The following NKAIN3 variants were observed in gnomAD, a reference collection of about 807,000 sequenced individuals.
NKAIN3 encodes the protein sodium/potassium transporting ATPase interacting 3.
In NKAIN3, 25 loss-of-function variants were observed where a neutral mutation model predicts 30.2. That is an observed-to-expected ratio of 0.83 (90% CI 0.60 to 1.16). NKAIN3 has a LOEUF of 1.16. Ranked by LOEUF, NKAIN3 falls within the 50% of genes most tolerant of loss-of-function variation. The pLI is 0.00. For synonymous variants in NKAIN3, 91 were observed against 89.6 expected (o/e 1.02, Z -0.09); for missense variants, 225 against 254.1 (o/e 0.89, Z 0.78).
chr8:62,307,357 C>G (rs1301380020), intron 1 of NKAIN3, among the ~76,000 whole-genome samples: 2 of 149,212 alleles, frequency 1.3e-5, no homozygotes, highest in Non-Finnish European at 2.9e-5. Context: ...CTTCTTTCCT[C>G]TCTCCCTCCT....
intron 1 of NKAIN3, among the ~76,000 whole-genome samples, chr8:62,531,345 C>A (rs1329667698): frequency 1.3e-5 from 2 of 152,128 alleles, no homozygotes; most frequent in Admixed American, 1.3e-4. Flanking sequence ...AAATCTTTAC[C>A]TAACATGTCT....
At chr8:62,932,416 A>T (rs1205143142) in intron 5 of NKAIN3, among the ~76,000 whole-genome samples, 1 of 152,226 alleles carries the variant, frequency 6.6e-6, no homozygotes, top group Non-Finnish European at 1.5e-5. Flanking sequence ...ACGTAAGCAG[A>T]GGCTAACTGT....
chr8:62,506,231 G>C (rs1807632222), intron 1 of NKAIN3, among the ~76,000 whole-genome samples: 1 of 147,462 alleles, frequency 6.8e-6, no homozygotes, highest in Admixed American at 6.8e-5. Flanking sequence ...AGAATATTGG[G>C]GGGGGGGACA....
In NKAIN3 at chr8:62,271,867, T is replaced by C. The variant is rs149047766; in HGVS notation, c.54+22740T>C. On this transcript the variant is annotated intron_variant, in intron 1 of 6. Coordinates refer to ENST00000623646, the MANE Select transcript of NKAIN3 (RefSeq NM_001304533.3). ...CTTAGGGAAACTCCACAGAGATGTG[T>C]TATGAGCTGGAAGCCACTTGCCTCC... Among the ~76,000 whole-genome samples the C allele has an allele frequency of 2.6e-5, 4 of 152,248 alleles. No homozygotes were observed. The East Asian group carries it at 7.7e-4, about 29-fold the overall frequency.
chr8:62,306,910 G>T (rs150566000), intron 1 of NKAIN3, among the ~76,000 whole-genome samples: 1 of 149,750 alleles, frequency 6.7e-6, no homozygotes. Flanking sequence ...TGTCCATAGG[G>T]GAAAGCATAC....
chr8:62,996,941 C>T (rs1026290028), intron 5 of NKAIN3, among the ~76,000 whole-genome samples: 8 of 152,118 alleles, frequency 5.3e-5, no homozygotes, highest in Non-Finnish European at 1.2e-4. Flanking sequence ...GGAGTGCCTG[C>T]AGCTTTTCCA....
At chr8:62,554,551 C>T (rs1382409397) in intron 1 of NKAIN3, among the ~76,000 whole-genome samples, 1 of 152,096 alleles carries the variant, frequency 6.6e-6, no homozygotes, top group Non-Finnish European at 1.5e-5. Flanking sequence ...TTATTCTTTA[C>T]ATGGATTTGT....
At chr8:62,812,686 C>T (rs1202630545) in intron 4 of NKAIN3, among the ~76,000 whole-genome samples, 1 of 151,376 alleles carries the variant, frequency 6.6e-6, no homozygotes, top group East Asian at 1.9e-4. Flanking sequence ...TCTTCCTTTC[C>T]AATTGGTATG....
intron 1 of NKAIN3, among the ~76,000 whole-genome samples, chr8:62,468,841 C>T (rs773682395): frequency 6.6e-6 from 1 of 152,076 alleles, no homozygotes; most frequent in African/African-American, 2.4e-5. Flanking sequence ...TGTCATCCCC[C>T]GTCTTAATTC....
intron 1 of NKAIN3, among the ~76,000 whole-genome samples, chr8:62,259,797 G>A (rs1466000796): frequency 6.6e-6 from 1 of 152,154 alleles, no homozygotes; most frequent in African/African-American, 2.4e-5. Flanking sequence ...GTAGGTTGCT[G>A]TTCTGTTTGA....
At chr8:62,926,740 T>C (rs1294818094) in intron 5 of NKAIN3, among the ~76,000 whole-genome samples, 2 of 152,086 alleles carry the variant, frequency 1.3e-5, no homozygotes, top group Non-Finnish European at 2.9e-5. Context: ...CACAAAAAAA[T>C]AAAAGCAGTG....
rs1370091254 is a variant in NKAIN3 at position 62,645,158 on chromosome 8, G to T, written c.273+55364G>T. On this transcript the variant is annotated intron_variant, in intron 3 of 6. Transcript: ENST00000623646. ...CAAAGAGTGTAAGAATAGAGCTTGG[G>T]TGGCTGTTAACAGCGGACCACTCTT... Among the ~76,000 whole-genome samples, 3 of 152,198 alleles carry T rather than the reference G, an allele frequency of 2.0e-5. No homozygotes were observed. In the East Asian group the frequency reaches 5.8e-4, roughly 29 times the overall value.
At chr8:62,801,544 C>T (rs1175115736) in intron 4 of NKAIN3, among the ~76,000 whole-genome samples, 3 of 152,194 alleles carry the variant, frequency 2.0e-5, no homozygotes, top group Non-Finnish European at 2.9e-5. Flanking sequence ...TCCAACAGAC[C>T]TGCAGCTGAG....
intron 4 of NKAIN3, among the ~76,000 whole-genome samples, chr8:62,804,478 A>T (rs1431164984): frequency 1.3e-5 from 2 of 152,236 alleles, no homozygotes; most frequent in African/African-American, 2.4e-5. Flanking sequence ...CATCCCTAGG[A>T]TGCAAGGCTG....
At chr8:62,693,850 C>T (rs1453997743) in intron 3 of NKAIN3, among the ~76,000 whole-genome samples, 2 of 152,000 alleles carry the variant, frequency 1.3e-5, no homozygotes, top group Non-Finnish European at 1.5e-5. Context: ...AGGAAAAGAG[C>T]AAATGTCATT....
At chr8:62,332,091 T>G (rs1190213411) in intron 1 of NKAIN3, among the ~76,000 whole-genome samples, 1 of 152,126 alleles carries the variant, frequency 6.6e-6, no homozygotes, top group Admixed American at 6.6e-5. Context: ...AGCTGAAACT[T>G]CAATAGAGCC....
intron 3 of NKAIN3, among the ~76,000 whole-genome samples, chr8:62,664,983 G>T (rs1813056074): frequency 1.3e-5 from 2 of 152,070 alleles, no homozygotes; most frequent in African/African-American, 2.4e-5. Context: ...TAATTCTAGA[G>T]ACTTTTGAAA....
chr8:62,486,971 A>G (rs1479752662), intron 1 of NKAIN3, among the ~76,000 whole-genome samples: 2 of 152,176 alleles, frequency 1.3e-5, no homozygotes, highest in Non-Finnish European at 2.9e-5. Context: ...CACTCATCTC[A>G]TGCAGACCCT....
chr8:62,721,361 A>G (rs961146436), intron 3 of NKAIN3, among the ~76,000 whole-genome samples: 1 of 152,222 alleles, frequency 6.6e-6, no homozygotes, highest in Non-Finnish European at 1.5e-5. Flanking sequence ...TTAAGCAGGT[A>G]AGTGAAAATT....
Sources: allele counts gnomAD v4.1 joint callset (sites outside exome capture counted in the v4.1 genomes callset), GRCh38; gene constraint gnomAD v4.1.1; transcripts MANE v1.5; gene names NCBI Gene and HGNC (gene_info 2026-07-23, HGNC 2026-07-21).